ASIC2: variants seen among roughly 807,000 people sequenced by gnomAD.
ASIC2 encodes acid sensing ion channel subunit 2, also known as acid-sensing ion channel 2.
ASIC2 carries 25 observed loss-of-function variants against 57.3 expected under a neutral mutation model. That is an observed-to-expected ratio of 0.44 (90% CI 0.32 to 0.61). The LOEUF (loss-of-function observed/expected upper bound fraction) is 0.61, where lower values mean the gene tolerates loss of function less well. Ranked by LOEUF, ASIC2 falls within the 20% of genes least tolerant of loss-of-function variation. The probability of loss-of-function intolerance (pLI) is 0.06; values close to 1 mark genes in which losing one functional copy is unlikely to be tolerated. For synonymous variants in ASIC2, 319 were observed against 307.5 expected (o/e 1.04, Z -0.39); for missense variants, 641 against 738.1 (o/e 0.87, Z 1.52).
At chr17:33,746,367 G>C (rs1011533686) in intron 1 of ASIC2, among the ~76,000 whole-genome samples, 1 of 138,622 alleles carries the variant, frequency 7.2e-6, no homozygotes, top group Non-Finnish European at 1.6e-5. Flanking sequence ...TATATATGTA[G>C]ATATACATGT....
At chr17:33,823,227 A>T (rs1912802506) in intron 1 of ASIC2, among the ~76,000 whole-genome samples, 1 of 152,228 alleles carries the variant, frequency 6.6e-6, no homozygotes, top group Non-Finnish European at 1.5e-5. Flanking sequence ...AAATAGTGAC[A>T]GGCAGGATGA....
At chr17:33,932,741 A>AAAAAAAATATATATATATATATATATAT (rs1555572867) in intron 1 of ASIC2, 1 of 58,716 alleles carries the variant, frequency 1.7e-5, no homozygotes, top group African/African-American at 6.8e-5. Context: ...AAAAAAAAAA[A>AAAAAAAATATATATATATATATATATAT]ATATATATAT....
rs142392223 is a variant in ASIC2, at chr17:33,428,744, C to G, written c.556-316677G>C. Among the ~76,000 whole-genome samples the G allele has an allele frequency of 3.7e-4, 57 of 152,338 alleles. 1 individual carries two copies. The East Asian group carries it at 0.01, about 27-fold the overall frequency. ...GGTGTGCCGGATGCCCACTTCTCCA[C>G]TGACGGACAGCCCTCTACCTTCCTC... On this transcript the variant is annotated intron_variant, in intron 1 of 9. Transcript: ENST00000359872.
chr17:33,932,047 G>T (rs968893908), intron 1 of ASIC2, among the ~76,000 whole-genome samples: 1 of 152,100 alleles, frequency 6.6e-6, no homozygotes, highest in Non-Finnish European at 1.5e-5. Flanking sequence ...TCCCAAGAGG[G>T]AGCTGAGCCA....
chr17:33,317,874 C>T (rs1729799004), intron 1 of ASIC2, among the ~76,000 whole-genome samples: 1 of 141,384 alleles, frequency 7.1e-6, no homozygotes, highest in Non-Finnish European at 1.5e-5. Flanking sequence ...TGGATTTGGA[C>T]GTGTGGAGAT....
At chr17:33,690,743 G>GTTTTTT (rs527881591) in intron 1 of ASIC2, among the ~76,000 whole-genome samples, 23 of 81,688 alleles carry the variant, frequency 2.8e-4, no homozygotes, top group Middle Eastern at 0.012. Context: ...ACTCTTCATT[G>GTTTTTT]TTTTTTTTTT....
chr17:33,856,637 G>A (rs1479982764), intron 1 of ASIC2, among the ~76,000 whole-genome samples: 1 of 62,610 alleles, frequency 1.6e-5, no homozygotes. Context: ...CTACACCGAG[G>A]GTTAGGATAA....
intron 1 of ASIC2, among the ~76,000 whole-genome samples, chr17:33,231,298 A>G (rs1908081555): frequency 6.6e-6 from 1 of 152,152 alleles, no homozygotes; most frequent in South Asian, 2.1e-4. Context: ...CCTAGGCCTA[A>G]TATCTGTGGG....
intron 1 of ASIC2, among the ~76,000 whole-genome samples, chr17:34,058,472 T>C (rs902983515): frequency 2.0e-5 from 3 of 152,214 alleles, no homozygotes; most frequent in African/African-American, 7.2e-5. Flanking sequence ...CACTGTGAAC[T>C]GGATACCAGG....
At chr17:33,232,768 A>C (rs921053522) in intron 1 of ASIC2, among the ~76,000 whole-genome samples, 2 of 152,210 alleles carry the variant, frequency 1.3e-5, no homozygotes, top group African/African-American at 4.8e-5. Flanking sequence ...ACCCATTAAT[A>C]TGCATCTCTG....
intron 1 of ASIC2, among the ~76,000 whole-genome samples, chr17:33,278,677 T>C (rs1391083): frequency 0.36 from 54,416 of 151,612 alleles, 9,777 homozygotes; most frequent in Admixed American, 0.42. Context: ...ATCCCATATT[T>C]CCCGGGATCC....
At chr17:33,894,106 G>T (rs1021979955) in intron 1 of ASIC2, among the ~76,000 whole-genome samples, 2 of 152,156 alleles carry the variant, frequency 1.3e-5, no homozygotes, top group Admixed American at 6.5e-5. Context: ...TTTTTGCTGG[G>T]GAATGGAAAA....
Position 33,877,632 on chromosome 17 carries a change from C to T in ASIC2, c.555+278346G>A, listed in dbSNP as rs573486150. 3.2e-3 allele frequency among the ~76,000 whole-genome samples: 487 copies of T among 152,336 alleles called. 2 individuals carry two copies. Among genetic ancestry groups the T allele is most frequent in the African/African-American group, 0.011 (467 of 41,576 alleles). On this transcript the variant is annotated intron_variant, in intron 1 of 9. Transcript: ENST00000359872. ...CGGGAAGCTCGAACTGGGTGGAGCC[C>T]ACTGCAGCTCAAGGAGGCCTGCCTG...
chr17:33,747,050 G>T (rs1362273092), intron 1 of ASIC2, among the ~76,000 whole-genome samples: 1 of 152,036 alleles, frequency 6.6e-6, no homozygotes, highest in Non-Finnish European at 1.5e-5. Context: ...TCTGTGAAAC[G>T]GGTAACATAA....
At chr17:34,145,834 A>G (rs1912402289) in intron 1 of ASIC2, among the ~76,000 whole-genome samples, 1 of 152,182 alleles carries the variant, frequency 6.6e-6, no homozygotes, top group South Asian at 2.1e-4. Context: ...ACTGCCTTCT[A>G]CTTTATTGAT....
intron 1 of ASIC2, among the ~76,000 whole-genome samples, chr17:33,997,261 C>G (rs1041090084): frequency 3.3e-5 from 5 of 151,630 alleles, no homozygotes; most frequent in African/African-American, 9.7e-5. Flanking sequence ...CCCACCTCAA[C>G]CCCCAAATAG....
intron 3 of ASIC2, among the ~76,000 whole-genome samples, chr17:33,088,151 T>C (rs1375413034): frequency 6.6e-6 from 1 of 152,178 alleles, no homozygotes; most frequent in African/African-American, 2.4e-5. Context: ...GTCTCTCCAG[T>C]TTTTATTCTA....
chr17:33,071,211 C>T (rs2092067721), intron 3 of ASIC2, among the ~76,000 whole-genome samples: 1 of 152,142 alleles, frequency 6.6e-6, no homozygotes, highest in Non-Finnish European at 1.5e-5. Context: ...CCACCTGCCC[C>T]ATACTTCTTG....
At chr17:33,911,369 C>T (rs929139737) in intron 1 of ASIC2, among the ~76,000 whole-genome samples, 1 of 152,188 alleles carries the variant, frequency 6.6e-6, no homozygotes, top group Non-Finnish European at 1.5e-5. Flanking sequence ...GCCATGGTAG[C>T]TCAGTCCCAT....
Sources: gnomAD v4.1 joint callset for allele counts (sites outside exome capture counted in the v4.1 genomes callset) on GRCh38, gnomAD v4.1.1 for gene constraint, MANE v1.5 for transcripts, NCBI Gene and HGNC (gene_info 2026-07-23, HGNC 2026-07-21) for gene names.